The following TUBA4A variants were observed in gnomAD, a reference collection of about 807,000 sequenced individuals.
TUBA4A encodes tubulin alpha-4A chain.
A neutral mutation model predicts 34.3 loss-of-function variants in TUBA4A; 23 were observed. The observed-to-expected ratio is 0.67, with a 90% confidence interval of 0.48 to 0.95. TUBA4A has a LOEUF of 0.95. TUBA4A is among the 40% of genes least tolerant of loss of function. The pLI is 0.00. For synonymous variants in TUBA4A, 216 were observed against 230.5 expected, an observed-to-expected ratio of 0.94 and a Z score of 0.57; for missense variants, 279 against 599.0, an observed-to-expected ratio of 0.47 and a Z score of 5.58.
rs766177312 is a variant in TUBA4A, at chr2:219,250,506, A to G, written c.1193T>C (p.Met398Thr). The part of the protein sequence containing the change: ...WARLDHKFDL[M>T]YAKRAFVHWY... ...GTGCACAAACGCCCTCTTGGCATACATCAGGTCGAACTTGTGGTCCAGGCG... is the reference window on the plus strand; with the variant it reads ...GTGCACAAACGCCCTCTTGGCATACGTCAGGTCGAACTTGTGGTCCAGGCG... The change falls in exon 4 of 4, where the codon ATG becomes ACG. Residue 398 changes from methionine (M) to threonine (T), a missense_variant. This residue lies in a region of TUBA4A where 73 missense variants were observed against 128.0 expected (regional missense o/e 0.57). Transcript: ENST00000248437. This position sits in a 1 kb window ranked among gnomAD's most constrained non-coding sequence, Gnocchi z 8.4. 7 of 1,614,008 alleles carry G rather than the reference A, an allele frequency of 4.3e-6. No homozygotes were observed. The highest frequency in any genetic ancestry group is 5.9e-6 in the Non-Finnish European group (7 of 1,180,024).
At chr2:219,253,361 G>GGC (rs1951680727) in intron 1 of TUBA4A, 3 of 1,534,020 alleles carry the variant, frequency 2.0e-6, no homozygotes, top group Non-Finnish European at 2.6e-6. Context: ...TCACGGGGGG[G>GGC]GGGTGGTTCT....
Position 219,252,967 on chromosome 2 carries a change from G to A in TUBA4A, c.4-737C>T. On this transcript the variant is annotated intron_variant, in intron 1 of 3. Coordinates refer to ENST00000248437, the MANE Select transcript of TUBA4A (RefSeq NM_006000.3). This position sits in a 1 kb window ranked among gnomAD's most constrained non-coding sequence, Gnocchi z 4.1. ...AGGGCCCGCGCGCTCTTCCCACACCGAAATGGCGGGGTGACGGTTTCCAAA... is the reference window on the plus strand; with the variant it reads ...AGGGCCCGCGCGCTCTTCCCACACCAAAATGGCGGGGTGACGGTTTCCAAA... 1 of 515,468 alleles carries A rather than the reference G, an allele frequency of 1.9e-6. No homozygotes were observed. Among genetic ancestry groups the A allele is most frequent in the South Asian group, 1.5e-5 (1 of 65,262 alleles). 31.9% of individuals were successfully genotyped at this position (515,468 alleles called of 1,614,324 possible). A position where few individuals can be genotyped will look rare whatever the true frequency, so the allele number is the denominator to read the frequency against.
rs1344691119 is a variant in TUBA4A at position 219,252,007 on chromosome 2, C to T, written c.226+1G>A. The T allele has an allele frequency of 1.2e-6, 2 of 1,614,128 alleles. No individual in the cohort carries two copies. Among genetic ancestry groups the T allele is most frequent in the East Asian group, 4.5e-5 (2 of 44,886 alleles). ...TCAATTTTGTCCCCACTTCCTCTCA[C>T]CAATGACCGTAGGCTCCAGATCCAC... is the stretch of plus-strand genomic sequence containing the variant. On this transcript the variant is annotated splice_donor_variant, in intron 2 of 3. Transcript: ENST00000248437. LOFTEE classifies it high-confidence loss of function. This position sits in a 1 kb window ranked among gnomAD's most constrained non-coding sequence, Gnocchi z 4.1.
At chr2:219,253,304 G>T in intron 1 of TUBA4A, 1 of 1,518,336 alleles carries the variant, frequency 6.6e-7, no homozygotes, top group Non-Finnish European at 8.8e-7. Context: ...TCAGGAGGCC[G>T]AACCCCGTTC....
Position 219,251,911 on chromosome 2 carries a change from C to T in TUBA4A, c.226+97G>A. 7.1e-7 allele frequency: 1 copy of T among 1,417,466 alleles called. No homozygotes were observed. The highest frequency in any genetic ancestry group is 9.7e-7 in the Non-Finnish European group (1 of 1,030,444). 87.8% of individuals were successfully genotyped at this position (1,417,466 alleles called of 1,614,324 possible). A position where few individuals can be genotyped will look rare whatever the true frequency, so the allele number is the denominator to read the frequency against. On this transcript the variant is annotated intron_variant, in intron 2 of 3. Coordinates refer to ENST00000248437, the MANE Select transcript of TUBA4A (RefSeq NM_006000.3). This position sits in a 1 kb window ranked among gnomAD's most constrained non-coding sequence, Gnocchi z 6.1. ...AGCTTCAAGTACGGCTAGGAATTTT[C>T]AGGGCTAGGAATGCCTGGTCTAAAT... is the stretch of plus-strand genomic sequence containing the variant.
intron 1 of TUBA4A, chr2:219,253,547 C>A (rs991066734): frequency 1.4e-4 from 115 of 824,692 alleles, no homozygotes; most frequent in Non-Finnish European, 2.1e-4. Context: ...GGGGCGCGGG[C>A]CCGCGTGACT....
chr2:219,253,690 G>A (rs1332829606), intron 1 of TUBA4A, among the ~76,000 whole-genome samples, 166 bp downstream of exon 1: 1 of 152,188 alleles, frequency 6.6e-6, no homozygotes, highest in Non-Finnish European at 1.5e-5. Context: ...TATACGGCTC[G>A]GCCAAAGTCA....
chr2:219,254,457 C>A (rs1015052163), upstream of TUBA4A: 7 of 152,312 alleles, frequency 4.6e-5, no homozygotes, highest in South Asian at 2.1e-4. Context: ...CGCCTGTGGG[C>A]GGCCGAGGAC....
In TUBA4A at chr2:219,251,037, C is replaced by G; in HGVS notation, c.662G>C (p.Arg221Pro). Residue 221 changes from arginine to proline, a missense_variant, in exon 4 of 4, where the codon CGC becomes CCC. This residue lies in a region of TUBA4A where 108 missense variants were observed against 299.9 expected (regional missense o/e 0.36). Transcript: ENST00000248437. The surrounding 1 kb of genome is among the most constrained non-coding windows in gnomAD (Gnocchi z 6.1). Reference sequence around the variant, plus strand: ...GCGATTGAGGTTGGTGTAGGTTGGGCGCTCGATGTCTAGGTTGCGGCGGCA... The same window carrying G: ...GCGATTGAGGTTGGTGTAGGTTGGGGGCTCGATGTCTAGGTTGCGGCGGCA... ...DICRRNLDIERPTYTNLNRLI... is the reference protein window; with the variant it reads ...DICRRNLDIEPPTYTNLNRLI... The G allele has an allele frequency of 6.2e-7, 1 of 1,614,040 alleles. No homozygotes were observed.
intron 1 of TUBA4A, chr2:219,253,311 G>A: frequency 1.3e-6 from 2 of 1,523,236 alleles, no homozygotes; most frequent in Non-Finnish European, 1.8e-6. Flanking sequence ...GCCGAACCCC[G>A]TTCCCACCAA....
Position 219,253,707 on chromosome 2 carries a change from G to A in TUBA4A, c.3+149C>T, listed in dbSNP as rs1172331834. On this transcript the variant is annotated intron_variant, in intron 1 of 3. Coordinates refer to ENST00000248437, the MANE Select transcript of TUBA4A (RefSeq NM_006000.3). Reference sequence around the variant, plus strand: ...TACGGCTCGGCCAAAGTCACCAGGAGGGGGTTGGGGAGGGAGGATGCAAAA... The same window carrying A: ...TACGGCTCGGCCAAAGTCACCAGGAAGGGGTTGGGGAGGGAGGATGCAAAA... 5 of 987,402 alleles carry A rather than the reference G, an allele frequency of 5.1e-6. No homozygotes were observed. In the South Asian group the frequency reaches 8.1e-5, roughly 16 times the overall value. 61.2% of individuals were successfully genotyped at this position (987,402 alleles called of 1,614,324 possible). A position where few individuals can be genotyped will look rare whatever the true frequency, so the allele number is the denominator to read the frequency against.
chr2:219,251,379 C>A lies in TUBA4A; in HGVS notation c.376-56G>T. The A allele has an allele frequency of 2.6e-6, 4 of 1,548,834 alleles. No individual in the cohort carries two copies. Among genetic ancestry groups the A allele is most frequent in the Non-Finnish European group, 3.5e-6 (4 of 1,147,562 alleles). ...AGGTAGGGGAGGGGCCTGAGGGACT[C>A]TATCACCTGGCTCCATAAAGCGTAA... is the stretch of plus-strand genomic sequence containing the variant. On this transcript the variant is annotated intron_variant, in intron 3 of 3. Coordinates refer to ENST00000248437, the MANE Select transcript of TUBA4A (RefSeq NM_006000.3). The surrounding 1 kb of genome is among the most constrained non-coding windows in gnomAD (Gnocchi z 6.1).
At position 219,252,840 on chromosome 2, in the gene TUBA4A, C is replaced by G; in HGVS notation, c.4-610G>C. On this transcript the variant is annotated intron_variant, in intron 1 of 3. Transcript: ENST00000248437. This position sits in a 1 kb window ranked among gnomAD's most constrained non-coding sequence, Gnocchi z 4.1. ...CGGCGGTAATGCTTGTAAGCTCAGACAGCAGGGGCCAGCAATAAGGTTTGA... is the reference window on the plus strand; with the variant it reads ...CGGCGGTAATGCTTGTAAGCTCAGAGAGCAGGGGCCAGCAATAAGGTTTGA... 1 of 472,096 alleles carries G rather than the reference C, an allele frequency of 2.1e-6. No individual in the cohort carries two copies. Among genetic ancestry groups the G allele is most frequent in the Non-Finnish European group, 4.4e-6 (1 of 227,790 alleles). 29.2% of individuals were successfully genotyped at this position (472,096 alleles called of 1,614,324 possible). A position where few individuals can be genotyped will look rare whatever the true frequency, so the allele number is the denominator to read the frequency against.
Position 219,250,820 on chromosome 2 carries a change from A to G in TUBA4A, c.879T>C (p.Asn293=), listed in dbSNP as rs1424300777. 3 of 1,614,184 alleles carry G rather than the reference A, an allele frequency of 1.9e-6. No homozygotes were observed. In the African/African-American group the frequency reaches 4.0e-5, roughly 22 times the overall value. ...HEQLSVAEIT[N]ACFEPANQMV... is the part of the protein sequence containing the mutation. ...TCTGGTTGGCAGGCTCAAAGCAGGC[A>G]TTGGTGATCTCTGCCACCGACAGCT... Residue 293 remains asparagine, a synonymous_variant, in exon 4 of 4, where the codon AAT becomes AAC. Coordinates refer to ENST00000248437, the MANE Select transcript of TUBA4A (RefSeq NM_006000.3). This position sits in a 1 kb window ranked among gnomAD's most constrained non-coding sequence, Gnocchi z 8.4.
chr2:219,254,258 T>C (rs45476194), upstream of TUBA4A: 210 of 181,316 alleles, frequency 1.2e-3, no homozygotes, highest in African/African-American at 4.7e-3. Context: ...ATCCAGGTGT[T>C]CTGACTTAGG....
At chr2:219,253,235 C>T (rs1312642211) in intron 1 of TUBA4A, 2 of 1,494,118 alleles carry the variant, frequency 1.3e-6, no homozygotes, top group Non-Finnish European at 1.8e-6. Flanking sequence ...CAGTGCTCAG[C>T]GCCAGCTGTC....
rs1185980385 is a variant in TUBA4A at position 219,252,320 on chromosome 2, C to T, written c.4-90G>A. On this transcript the variant is annotated intron_variant, in intron 1 of 3. Coordinates refer to ENST00000248437, the MANE Select transcript of TUBA4A (RefSeq NM_006000.3). The surrounding 1 kb of genome is among the most constrained non-coding windows in gnomAD (Gnocchi z 4.1). ...TCTCTTCCACCCTATCATCTACCAG[C>T]TAGGATGACTCAGTTGGCAAGAGTG... 3 of 1,244,892 alleles carry T rather than the reference C, an allele frequency of 2.4e-6. No homozygotes were observed. The highest frequency in any genetic ancestry group is 5.0e-5 in the East Asian group (2 of 40,172). 77.1% of individuals were successfully genotyped at this position (1,244,892 alleles called of 1,614,324 possible).
Position 219,252,273 on chromosome 2 carries a change from A to G in TUBA4A, c.4-43T>C, listed in dbSNP as rs1951660732. 1.9e-6 allele frequency: 3 copies of G among 1,552,484 alleles called. No homozygotes were observed. Among genetic ancestry groups the G allele is most frequent in the Non-Finnish European group, 2.7e-6 (3 of 1,127,700 alleles). On this transcript the variant is annotated intron_variant, in intron 1 of 3. Coordinates refer to ENST00000248437, the MANE Select transcript of TUBA4A (RefSeq NM_006000.3). This position sits in a 1 kb window ranked among gnomAD's most constrained non-coding sequence, Gnocchi z 4.1. ...GGGACACAGCATGAGCCCCACATCCACAAGTCCTCACCTTGCGAGTCTCTC... is the reference window on the plus strand; with the variant it reads ...GGGACACAGCATGAGCCCCACATCCGCAAGTCCTCACCTTGCGAGTCTCTC...
Position 219,252,242 on chromosome 2 carries a change from A to T in TUBA4A, c.4-12T>A. The T allele has an allele frequency of 6.2e-7, 1 of 1,609,026 alleles. No individual in the cohort carries two copies. Among genetic ancestry groups the T allele is most frequent in the Non-Finnish European group, 8.5e-7 (1 of 1,175,744 alleles). ...GAGATGCATTCACGCTGAGGGATAG[A>T]GAGAGGGGACACAGCATGAGCCCCA... On this transcript the variant is annotated splice_polypyrimidine_tract_variant and intron_variant, in intron 1 of 3. Coordinates refer to ENST00000248437, the MANE Select transcript of TUBA4A (RefSeq NM_006000.3). The surrounding 1 kb of genome is among the most constrained non-coding windows in gnomAD (Gnocchi z 4.1).
Sources: gnomAD v4.1 joint callset for allele counts (sites outside exome capture counted in the v4.1 genomes callset) on GRCh38, gnomAD v4.1.1 for gene constraint, gnomAD v4.1.1 regional missense constraint, Gnocchi (gnomAD v3.1) non-coding constraint, MANE v1.5 for transcripts, NCBI Gene and HGNC (gene_info 2026-07-23, HGNC 2026-07-21) for gene names.